Variants in NBEA observed in about 807,000 individuals in gnomAD.
NBEA encodes the protein lysosomal-trafficking regulator 2.
A neutral mutation model predicts 343.4 loss-of-function variants in NBEA; 44 were observed. That is an observed-to-expected ratio of 0.13 (90% CI 0.10 to 0.16). The LOEUF is 0.16. Ranked by LOEUF, NBEA falls within the 10% of genes least tolerant of loss-of-function variation. The pLI, the probability that NBEA is intolerant of heterozygous loss-of-function variation, is 1.00. For synonymous variants in NBEA, 1,175 were observed against 1,238.7 expected (o/e 0.95, Z 1.08); for missense variants, 2,555 against 3,631.3 (o/e 0.70, Z 7.62).
intron 1 of NBEA, among the ~76,000 whole-genome samples, chr13:34,976,702 A>G (rs1190402222): frequency 1.3e-5 from 2 of 150,376 alleles, no homozygotes; most frequent in Non-Finnish European, 3.0e-5. Flanking sequence ...AACTTCATAA[A>G]GGAGAGATAT....
chr13:35,159,930 A>G lies in NBEA; in HGVS notation c.3759A>G (p.Pro1253=). ...AGTCTTCTAGTAGCAAAATTGTACC[A>G]AATATTGATGCAGGAAGTATAATTT... ...ETESSSSKIV[P]NIDAGSIISD... Residue 1253 remains proline (P), a synonymous_variant, in exon 22 of 59, where the codon CCA becomes CCG. Transcript: ENST00000379939. 1 of 1,594,386 alleles carries G rather than the reference A, an allele frequency of 6.3e-7. No individual in the cohort carries two copies. Among genetic ancestry groups the G allele is most frequent in the Non-Finnish European group, 8.5e-7 (1 of 1,169,640 alleles).
chr13:35,555,156 G>C, intron 44 of NBEA, 54 bp downstream of exon 44: 1 of 1,002,254 alleles, frequency 1.0e-6, no homozygotes, highest in Non-Finnish European at 1.5e-6. Flanking sequence ...TCAAAATCAT[G>C]GTAATGTAGC....
intron 1 of NBEA, among the ~76,000 whole-genome samples, chr13:35,035,995 T>G (rs918933914): frequency 7.2e-5 from 11 of 152,020 alleles, no homozygotes; most frequent in African/African-American, 2.7e-4. Context: ...ATTGGTGAGT[T>G]TAGTGTATTT....
chr13:35,087,008 G>C (rs117434504), intron 10 of NBEA, among the ~76,000 whole-genome samples: 1,899 of 150,706 alleles, frequency 0.013, 14 homozygotes, highest in Middle Eastern at 0.028. Context: ...TTTTTTTATT[G>C]TTGAGTTGTT....
In NBEA at chr13:35,554,888, T is replaced by G. The variant is rs1419328243; in HGVS notation, c.6807-99T>G. The G allele has an allele frequency of 5.8e-6, 3 of 514,440 alleles. No individual in the cohort carries two copies. In the African/African-American group the frequency reaches 5.9e-5, roughly 10 times the overall value. The allele number at this position is 514,440 out of a possible 1,614,324, so 31.9% of individuals were successfully genotyped here. On this transcript the variant is annotated intron_variant, in intron 43 of 58. Transcript: ENST00000379939. ...TCTAAGAAGGATAAACCATAAATTATTTTAAGTTGATTATCAAAGCAATAT... is the reference window on the plus strand; with the variant it reads ...TCTAAGAAGGATAAACCATAAATTAGTTTAAGTTGATTATCAAAGCAATAT...
intron 36 of NBEA, among the ~76,000 whole-genome samples, chr13:35,343,141 T>C (rs1424788679): frequency 1.3e-5 from 2 of 152,060 alleles, no homozygotes; most frequent in Non-Finnish European, 2.9e-5. Context: ...AGGGAAAAAT[T>C]GTTAGTGAAG....
intron 22 of NBEA, 115 bp from the exon 23 acceptor site, chr13:35,161,635 C>A: frequency 1.1e-6 from 1 of 932,826 alleles, no homozygotes; most frequent in Non-Finnish European, 1.6e-6. Context: ...TATTAAACTG[C>A]TAAAGTCATA....
intron 40 of NBEA, among the ~76,000 whole-genome samples, chr13:35,452,870 A>G (rs1185064629): frequency 6.6e-6 from 1 of 152,198 alleles, no homozygotes; most frequent in Non-Finnish European, 1.5e-5. Flanking sequence ...AATCTGATGA[A>G]AGCAAATGGC....
intron 4 of NBEA, among the ~76,000 whole-genome samples, chr13:35,045,990 C>T (rs961498286): frequency 2.0e-5 from 3 of 152,144 alleles, no homozygotes; most frequent in African/African-American, 7.2e-5. Context: ...TCCCAAAGTG[C>T]TGGGGTTACA....
At position 35,574,757 on chromosome 13, in the gene NBEA, A is replaced by AT. The variant is rs112167156; in HGVS notation, c.7035+7755dup. Among the ~76,000 whole-genome samples, 494 of 145,324 alleles carry AT rather than the reference A, an allele frequency of 3.4e-3. 1 individual carries two copies. Among genetic ancestry groups the AT allele is most frequent in the East Asian group, 7.4e-3 (37 of 4,974 alleles). On this transcript the variant is annotated intron_variant, in intron 45 of 58. Coordinates refer to ENST00000379939, the MANE Select transcript of NBEA (RefSeq NM_001385012.1). ...AATTAAAAAAATAAAGTGCCAATAG[A>AT]TTTTTTTTTTTTTTTGAGTTTCGCT... is the stretch of plus-strand genomic sequence containing the variant.
chr13:35,472,382 C>A lies in NBEA; in HGVS notation c.6449-18C>A. 1 of 1,611,266 alleles carries A rather than the reference C, an allele frequency of 6.2e-7. No homozygotes were observed. Among genetic ancestry groups the A allele is most frequent in the Non-Finnish European group, 8.5e-7 (1 of 1,178,790 alleles). On this transcript the variant is annotated intron_variant, in intron 40 of 58. Transcript: ENST00000379939. ...GCCACAGGGGCTCAGCCTGACTCCC[C>A]TTGTCCTTGCCTTGCAGGCCCAGTG...
chr13:35,410,917 G>T (rs2043546073), intron 38 of NBEA, among the ~76,000 whole-genome samples: 1 of 152,056 alleles, frequency 6.6e-6, no homozygotes, highest in Non-Finnish European at 1.5e-5. Flanking sequence ...GGGCATTTTT[G>T]TGCTAAAGCT....
chr13:35,511,154 A>G (rs1039460603), intron 41 of NBEA, among the ~76,000 whole-genome samples: 2 of 152,208 alleles, frequency 1.3e-5, no homozygotes, highest in African/African-American at 2.4e-5. Context: ...CTCAAGTAAA[A>G]GCTTGGGCTA....
intron 10 of NBEA, among the ~76,000 whole-genome samples, 168 bp from the exon 11 acceptor site, chr13:35,098,129 T>C (rs2065433510): frequency 1.3e-5 from 2 of 152,192 alleles, no homozygotes; most frequent in African/African-American, 4.8e-5. Context: ...TTCTCATGCT[T>C]ATGAGGAAAT....
chr13:35,672,248 G>A lies in NBEA; in HGVS notation c.*1257G>A. The A allele has an allele frequency of 6.6e-6, 1 of 152,422 alleles. No homozygotes were observed. The allele number at this position is 152,422 out of a possible 1,614,324, so 9.4% of individuals were successfully genotyped here. A position where few individuals can be genotyped will look rare whatever the true frequency, so the allele number is the denominator to read the frequency against. The stretch of plus-strand genomic sequence containing the variant: ...TCGTCATAGATGTACATATTGTGTC[G>A]GTAGGGCTATGAGGCATGTTACAGG... On this transcript the variant is annotated 3_prime_UTR_variant, in exon 59 of 59. Transcript: ENST00000379939.
chr13:35,117,293 A>T, intron 13 of NBEA, 121 bp from the exon 14 acceptor site: 1 of 360,544 alleles, frequency 2.8e-6, no homozygotes, highest in East Asian at 5.9e-5. Flanking sequence ...GCATTAATAT[A>T]AATATTGTAA....
rs1003221665 is a variant in NBEA, at chr13:35,404,123, G to A, written c.6180-28146G>A. Among the ~76,000 whole-genome samples, 92 of 152,216 alleles carry A rather than the reference G, an allele frequency of 6.0e-4. 1 individual carries two copies. Among genetic ancestry groups the A allele is most frequent in the African/African-American group, 2.1e-3 (87 of 41,542 alleles). The stretch of plus-strand genomic sequence containing the variant: ...AAACAACAGGTGCTGGAGAGGATGT[G>A]GAGAAATAGGAACACTTTTACACTG... On this transcript the variant is annotated intron_variant, in intron 38 of 58. Transcript: ENST00000379939.
At chr13:35,436,790 T>G (rs1199171674) in intron 39 of NBEA, among the ~76,000 whole-genome samples, 1 of 151,884 alleles carries the variant, frequency 6.6e-6, no homozygotes, top group Non-Finnish European at 1.5e-5. Context: ...GTCAAAAAAT[T>G]TTATATTGAT....
intron 30 of NBEA, chr13:35,185,310 A>G (rs1274858991): frequency 2.0e-5 from 3 of 151,822 alleles, no homozygotes; most frequent in East Asian, 2.0e-4. Flanking sequence ...AGGTGATACA[A>G]TACTTCAGTG....
Sources: gnomAD v4.1 joint callset for allele counts (sites outside exome capture counted in the v4.1 genomes callset) on GRCh38, gnomAD v4.1.1 for gene constraint, MANE v1.5 for transcripts, NCBI Gene and HGNC (gene_info 2026-07-23, HGNC 2026-07-21) for gene names.